The following HSPG2 variants were observed in gnomAD, a reference collection of about 807,000 sequenced individuals.
HSPG2 encodes the protein basement membrane-specific heparan sulfate proteoglycan core protein.
In HSPG2, 278 loss-of-function variants were observed where a neutral mutation model predicts 526.6. The observed-to-expected ratio is 0.53, with a 90% CI of 0.48 to 0.58. The LOEUF (loss-of-function observed/expected upper bound fraction) is 0.58, where lower values mean the gene tolerates loss of function less well. HSPG2 is among the 20% of genes least tolerant of loss of function. The probability of loss-of-function intolerance (pLI) is 0.00; values close to 1 mark genes in which losing one functional copy is unlikely to be tolerated. For synonymous variants in HSPG2, 2,465 were observed against 2,555.4 expected (o/e 0.96, Z 1.07); for missense variants, 5,354 against 6,099.5 (o/e 0.88, Z 4.07).
In HSPG2 at chr1:21,864,741, A is replaced by G; in HGVS notation, c.4626+102T>C. 2.1e-6 allele frequency: 2 copies of G among 943,974 alleles called. No individual in the cohort carries two copies. The highest frequency in any genetic ancestry group is 1.4e-5 in the South Asian group (1 of 71,954). 58.5% of individuals were successfully genotyped at this position (943,974 alleles called of 1,614,324 possible). On this transcript the variant is annotated intron_variant, in intron 36 of 96. Transcript: ENST00000374695. The surrounding 1 kb of genome is among the most constrained non-coding windows in gnomAD (Gnocchi z 4.8). Reference sequence around the variant, plus strand: ...CATGCAGGGCCCAGATGCAGGGGTCATTATAGTTATGATGGTAATCAAGGC... The same window carrying G: ...CATGCAGGGCCCAGATGCAGGGGTCGTTATAGTTATGATGGTAATCAAGGC...
At chr1:21,934,240 C>T (rs1644423125) in intron 1 of HSPG2, among the ~76,000 whole-genome samples, 1 of 152,268 alleles carries the variant, frequency 6.6e-6, no homozygotes, top group African/African-American at 2.4e-5. Flanking sequence ...CCAACCCTTC[C>T]CCATAAGCCA....
In HSPG2 at chr1:21,831,231, C is replaced by T. The variant is rs144525987; in HGVS notation, c.11546G>A (p.Arg3849Gln). ...TGGGGTCACCTGGCAGGGCCGGTCC[C>T]GACAGGTGGGGCAGTGGGAGATGCC... is the stretch of plus-strand genomic sequence containing the variant. ...AHGISHCPTCRDRPCQNGGQC... is the reference protein window; with the variant it reads ...AHGISHCPTCQDRPCQNGGQC... The change falls in exon 84 of 97, where the codon CGG (arginine) becomes CAG (glutamine). Residue 3849 changes from arginine to glutamine, a missense_variant. Transcript: ENST00000374695. 3.1e-5 allele frequency: 50 copies of T among 1,613,754 alleles called. No homozygotes were observed. The highest frequency in any genetic ancestry group is 2.7e-4 in the Admixed American group (16 of 59,996).
intron 91 of HSPG2, among the ~76,000 whole-genome samples, chr1:21,826,312 C>T (rs557159846): frequency 5.3e-5 from 8 of 151,936 alleles, no homozygotes; most frequent in Admixed American, 2.6e-4. Context: ...TCAAGCAATC[C>T]TCCTGCCTGT....
intron 33 of HSPG2, chr1:21,869,053 G>A (rs1282390233): frequency 2.1e-5 from 6 of 283,180 alleles, no homozygotes; most frequent in South Asian, 1.4e-4. Context: ...GGGGTGGACC[G>A]TCATGGGAGG....
In HSPG2 at chr1:21,864,330, G is replaced by A. The variant is rs1640055148; in HGVS notation, c.4627-117C>T. 1.9e-5 allele frequency: 16 copies of A among 842,730 alleles called. No individual in the cohort carries two copies. The highest frequency in any genetic ancestry group is 3.3e-4 in the Middle Eastern group (1 of 3,008). The allele number at this position is 842,730 out of a possible 1,614,324, so 52.2% of individuals were successfully genotyped here. On this transcript the variant is annotated intron_variant, in intron 36 of 96. Coordinates refer to ENST00000374695, the MANE Select transcript of HSPG2 (RefSeq NM_005529.7). The surrounding 1 kb of genome is among the most constrained non-coding windows in gnomAD (Gnocchi z 4.8). ...GGGTGACCCTGGAACATCACAGGCC[G>A]GCGCCCCTCCTTCCCCACTTCTGCT...
At chr1:21,926,761 C>CAAAAAAA (rs57835686) in intron 1 of HSPG2, among the ~76,000 whole-genome samples, 5 of 55,844 alleles carry the variant, frequency 9.0e-5, no homozygotes, top group African/African-American at 1.5e-4. Flanking sequence ...GACTCAGTCT[C>CAAAAAAA]AAAAAAAAAA....
rs762353362 is a variant in HSPG2, at chr1:21,842,052, C to T, written c.9143G>A (p.Gly3048Glu). ...CCACTCGAGGCTGATGGGGGCTGCC[C>T]CGTCATGGATGAGGCACTTGAAGCT... is the stretch of plus-strand genomic sequence containing the variant. The part of the protein sequence containing the change: ...DASFKCLIHD[G>E]AAPISLEWKT... Residue 3048 changes from glycine (G) to glutamate (E), a missense_variant, in exon 69 of 97, where the codon GGG (glycine) becomes GAG (glutamate). Transcript: ENST00000374695. 3 of 1,613,606 alleles carry T rather than the reference C, an allele frequency of 1.9e-6. No individual in the cohort carries two copies. The highest frequency in any genetic ancestry group is 2.5e-6 in the Non-Finnish European group (3 of 1,180,026).
intron 57 of HSPG2, among the ~76,000 whole-genome samples, chr1:21,849,454 C>T (rs976386424): frequency 6.6e-6 from 1 of 152,200 alleles, no homozygotes; most frequent in Non-Finnish European, 1.5e-5. Flanking sequence ...GAGCTGGGTA[C>T]ACACTCACAC....
intron 1 of HSPG2, among the ~76,000 whole-genome samples, chr1:21,901,171 T>C (rs1289897529): frequency 1.3e-5 from 2 of 152,110 alleles, no homozygotes; most frequent in African/African-American, 4.8e-5. Context: ...GTGTTATTAT[T>C]ATTTCCGTTT....
At chr1:21,875,057 C>G in intron 25 of HSPG2, 55 bp from the exon 26 acceptor site, 1 of 1,297,778 alleles carries the variant, frequency 7.7e-7, no homozygotes, top group Non-Finnish European at 1.1e-6. Flanking sequence ...GCCAGGCACG[C>G]CTGGAGTCCT....
Position 21,854,333 on chromosome 1 carries a change from G to C in HSPG2, c.6299C>G (p.Ser2100Cys). 6.4e-7 allele frequency: 1 copy of C among 1,569,586 alleles called. No homozygotes were observed. Among genetic ancestry groups the C allele is most frequent in the Non-Finnish European group, 8.6e-7 (1 of 1,156,898 alleles). The part of the protein sequence containing the change: ...SLPPHTQVHG[S>C]RLRLPQVSPA... The stretch of plus-strand genomic sequence containing the variant: ...TGAGACCTGGGGGAGCCGCAGACGG[G>C]AGCCGTGCACCTGGGCCAGGAGGAG... Residue 2100 changes from serine to cysteine, a missense_variant, in exon 50 of 97, where the codon TCC (serine) becomes TGC (cysteine). By Grantham distance (112) the Ser-to-Cys change is moderately radical. Coordinates refer to ENST00000374695, the MANE Select transcript of HSPG2 (RefSeq NM_005529.7).
In HSPG2 at chr1:21,852,175, G is replaced by T. The variant is rs752444705; in HGVS notation, c.6783C>A (p.Thr2261=). 18 of 1,613,960 alleles carry T rather than the reference G, an allele frequency of 1.1e-5. No individual in the cohort carries two copies. The highest frequency in any genetic ancestry group is 1.5e-5 in the Non-Finnish European group (18 of 1,180,052). The part of the protein sequence containing the change: ...SSSSTVAEGQ[T]LDLSCVVAGQ... ...CTGCCACCACGCAGCTCAGATCCAG[G>T]GTCTGGCCCTCGGCCACTGTGGAGG... The change falls in exon 53 of 97, where the codon ACC becomes ACA. Residue 2261 remains threonine (T), a synonymous_variant. Transcript: ENST00000374695.
At chr1:21,833,012 C>G in intron 80 of HSPG2, 1 of 582,414 alleles carries the variant, frequency 1.7e-6, no homozygotes, top group Non-Finnish European at 3.1e-6. Flanking sequence ...GACAGGAGGA[C>G]TGGGGGTGAT....
At chr1:21,911,277 G>T (rs1234732750) in intron 1 of HSPG2, among the ~76,000 whole-genome samples, 1 of 152,198 alleles carries the variant, frequency 6.6e-6, no homozygotes, top group African/African-American at 2.4e-5. Context: ...GGAGGAGGGG[G>T]CTACCCAGAG....
rs369747437 is a variant in HSPG2, at chr1:21,875,597, C to A, written c.3302+32G>T. 2.6e-6 allele frequency: 4 copies of A among 1,550,904 alleles called. No homozygotes were observed. In the Admixed American group the frequency reaches 5.0e-5, roughly 19 times the overall value. ...CTTAGATGGAGCCCCTCCCCAAGCC[C>A]ATGCTGGTCCTCCTGCCCCGGCTCC... is the stretch of plus-strand genomic sequence containing the variant. On this transcript the variant is annotated intron_variant, in intron 25 of 96. Transcript: ENST00000374695.
chr1:21,826,769 A>G (rs1230667309), intron 91 of HSPG2, among the ~76,000 whole-genome samples: 1 of 152,128 alleles, frequency 6.6e-6, no homozygotes, highest in Non-Finnish European at 1.5e-5. Flanking sequence ...TCAGCTTCCT[A>G]AAGTGCTGGG....
At chr1:21,892,842 G>A in intron 3 of HSPG2, among the ~76,000 whole-genome samples, 1 of 119,324 alleles carries the variant, frequency 8.4e-6, no homozygotes, top group Non-Finnish European at 1.6e-5. Context: ...CAGCCTGGGT[G>A]ACAGAGTGAG....
At position 21,831,433 on chromosome 1, in the gene HSPG2, G is replaced by A. The variant is rs761027402; in HGVS notation, c.11452+30C>T. On this transcript the variant is annotated intron_variant, in intron 83 of 96. Transcript: ENST00000374695. Reference sequence around the variant, plus strand: ...CTTCCAGCCAGCCAGGTAAGGCCCAGCCTCAGCTGGAGGTGGGGAGGGGGC... The same window carrying A: ...CTTCCAGCCAGCCAGGTAAGGCCCAACCTCAGCTGGAGGTGGGGAGGGGGC... 5 of 1,609,490 alleles carry A rather than the reference G, an allele frequency of 3.1e-6. No homozygotes were observed. In the East Asian group the frequency reaches 8.9e-5, roughly 29 times the overall value.
rs1328637933 is a variant in HSPG2 at position 21,841,652 on chromosome 1, T to C, written c.9215A>G (p.Asn3072Ser). 7 of 1,613,914 alleles carry C rather than the reference T, an allele frequency of 4.3e-6. No homozygotes were observed. Among genetic ancestry groups the C allele is most frequent in the East Asian group, 2.2e-5 (1 of 44,880 alleles). ...GCCCACGATGGTGATGATGGAGCCA[T>C]TGGGACTGATGTGGACGTTGTCTGT... ...ELEDNVHISP[N>S]GSIITIVGTR... Residue 3072 changes from asparagine to serine, a missense_variant, in exon 70 of 97, where the codon AAT becomes AGT. Asn to Ser is a conservative substitution (Grantham distance 46). Coordinates refer to ENST00000374695, the MANE Select transcript of HSPG2 (RefSeq NM_005529.7).
Sources: allele counts gnomAD v4.1 joint callset (sites outside exome capture counted in the v4.1 genomes callset), GRCh38; gene constraint gnomAD v4.1.1; non-coding constraint Gnocchi (gnomAD v3.1); transcripts MANE v1.5; gene names NCBI Gene and HGNC (gene_info 2026-07-23, HGNC 2026-07-21).